LMO3: variants seen among roughly 807,000 people sequenced by gnomAD.
LMO3 encodes LIM domain only 3.
LMO3 carries 2 observed loss-of-function variants against 15.8 expected under a neutral mutation model. The ratio of observed to expected loss-of-function variants is 0.13; its 90% CI spans 0.05 to 0.40. LMO3 has a LOEUF of 0.40. Ranked by LOEUF, LMO3 falls within the 10% of genes least tolerant of loss-of-function variation. The pLI, the probability that LMO3 is intolerant of heterozygous loss-of-function variation, is 0.99. For missense variants in LMO3, 86 were observed against 182.2 expected, an observed-to-expected ratio of 0.47 and a Z score of 3.04; for synonymous variants, 62 against 63.8, an observed-to-expected ratio of 0.97 and a Z score of 0.13.
intron 2 of LMO3, among the ~76,000 whole-genome samples, chr12:16,569,954 T>G (rs938337515): frequency 6.6e-6 from 1 of 152,170 alleles, no homozygotes; most frequent in Non-Finnish European, 1.5e-5. Context: ...AAGTTTATAA[T>G]GAAGGAAAGG....
Position 16,576,841 on chromosome 12 carries a change from C to A in LMO3, c.207-16303G>T, listed in dbSNP as rs968921554. Among the ~76,000 whole-genome samples the A allele has an allele frequency of 4.6e-5, 7 of 152,126 alleles. No homozygotes were observed. The highest frequency in any genetic ancestry group is 1.7e-4 in the African/African-American group (7 of 41,436). ...AATTCAGTGTACAATGGACATAAGA[C>A]CTGTAGGTGGAAGTCAAAAATAAAT... On this transcript the variant is annotated intron_variant, in intron 2 of 3. Coordinates refer to ENST00000537304, the MANE Select transcript of LMO3 (RefSeq NM_018640.5). The surrounding 1 kb of genome is among the most constrained non-coding windows in gnomAD (Gnocchi z 4.1).
chr12:16,606,809 G>T (rs1944018118), upstream of LMO3: 1 of 152,166 alleles, frequency 6.6e-6, no homozygotes, highest in South Asian at 2.1e-4. Flanking sequence ...ACTGAGGAAG[G>T]ACCCTACCTC....
intron 1 of LMO3, chr12:16,605,045 G>A (rs1943942574): frequency 8.5e-6 from 13 of 1,523,776 alleles, no homozygotes; most frequent in African/African-American, 5.5e-5. Context: ...CACTTTGGGA[G>A]CGGGTCGGAG....
intron 2 of LMO3, among the ~76,000 whole-genome samples, chr12:16,572,567 G>A (rs1487849394): frequency 6.7e-6 from 1 of 149,838 alleles, no homozygotes; most frequent in Non-Finnish European, 1.5e-5. Flanking sequence ...AAAACTGGAT[G>A]TCAAACCCTT....
In LMO3 at chr12:16,548,457, T is replaced by C. The variant is rs990357207; in HGVS notation, c.*2765A>G. ...TCCAGCAGATATTTATTAAGCAAGA[T>C]GAAAGTGAAATTACAAACACAGGTC... On this transcript the variant is annotated 3_prime_UTR_variant, in exon 4 of 4. Coordinates refer to ENST00000537304, the MANE Select transcript of LMO3 (RefSeq NM_018640.5). This position sits in a 1 kb window ranked among gnomAD's most constrained non-coding sequence, Gnocchi z 4.2. The C allele has an allele frequency of 3.7e-4, 57 of 152,160 alleles. No homozygotes were observed. The highest frequency in any genetic ancestry group is 1.2e-3 in the African/African-American group (51 of 41,440). 9.4% of individuals were successfully genotyped at this position (152,160 alleles called of 1,614,324 possible).
In LMO3 at chr12:16,585,911, A is replaced by G. The variant is rs1943305014; in HGVS notation, c.206+14744T>C. On this transcript the variant is annotated intron_variant, in intron 2 of 3. Transcript: ENST00000537304. This position sits in a 1 kb window ranked among gnomAD's most constrained non-coding sequence, Gnocchi z 4.7. The stretch of plus-strand genomic sequence containing the variant: ...TCATTTAGTCATTTATAGTCTCAGA[A>G]ATCTTGCTTATCCTAAGATCTGGGC... 6.6e-6 allele frequency among the ~76,000 whole-genome samples: 1 copy of G among 152,194 alleles called. No individual in the cohort carries two copies. Among genetic ancestry groups the G allele is most frequent in the African/African-American group, 2.4e-5 (1 of 41,454 alleles).
chr12:16,571,028 T>C (rs887301331), intron 2 of LMO3, among the ~76,000 whole-genome samples: 1 of 152,042 alleles, frequency 6.6e-6, no homozygotes, highest in African/African-American at 2.4e-5. Flanking sequence ...AAACTTAAAG[T>C]ATAATAATAA....
Position 16,593,526 on chromosome 12 carries a change from A to G in LMO3, c.206+7129T>C, listed in dbSNP as rs1943556340. ...CGCAAAGGAATTCGGCGAAAAGAGA[A>G]TCATTACATAACTACAAAAATACTG... On this transcript the variant is annotated intron_variant, in intron 2 of 3. Coordinates refer to ENST00000537304, the MANE Select transcript of LMO3 (RefSeq NM_018640.5). This position sits in a 1 kb window ranked among gnomAD's most constrained non-coding sequence, Gnocchi z 4.2. Among the ~76,000 whole-genome samples the G allele has an allele frequency of 1.3e-5, 2 of 151,868 alleles. No individual in the cohort carries two copies. The highest frequency in any genetic ancestry group is 4.8e-5 in the African/African-American group (2 of 41,426).
chr12:16,556,553 C>T (rs543256165), intron 3 of LMO3, among the ~76,000 whole-genome samples: 4 of 152,212 alleles, frequency 2.6e-5, no homozygotes, highest in South Asian at 2.1e-4. Flanking sequence ...TTCACAAACG[C>T]GTAATTCCAC....
intron 3 of LMO3, among the ~76,000 whole-genome samples, chr12:16,554,913 C>T (rs547072765): frequency 2.0e-5 from 3 of 152,184 alleles, no homozygotes; most frequent in East Asian, 1.9e-4. Context: ...CCGCCCGCCT[C>T]GGCCTCCCAA....
At chr12:16,554,119 ATT>A (rs1180084482) in intron 3 of LMO3, among the ~76,000 whole-genome samples, 1 of 152,176 alleles carries the variant, frequency 6.6e-6, no homozygotes, top group Non-Finnish European at 1.5e-5. Context: ...ATTTCTAGAT[ATT>A]TTTGAGTGAT....
rs377640189 is a variant in LMO3, at chr12:16,562,851, A to G, written c.207-2313T>C. On this transcript the variant is annotated intron_variant, in intron 2 of 3. Transcript: ENST00000537304. ...TCTCTGATGGCTGCCCGTACGGCGC[A>G]CTGCTACCAGTGTACTTTCCACTAC... is the stretch of plus-strand genomic sequence containing the variant. Among the ~76,000 whole-genome samples the G allele has an allele frequency of 1.9e-4, 29 of 152,354 alleles. No homozygotes were observed. The South Asian group carries it at 6.0e-3, about 32-fold the overall frequency.
chr12:16,583,024 G>A (rs1484369938), intron 2 of LMO3, among the ~76,000 whole-genome samples: 1 of 139,542 alleles, frequency 7.2e-6, no homozygotes, highest in East Asian at 2.1e-4. Context: ...TCTAGCCTGG[G>A]TGACAGTGCG....
In LMO3 at chr12:16,550,260, G is replaced by C. The variant is rs1941939792; in HGVS notation, c.*962C>G. 6.6e-6 allele frequency: 1 copy of C among 152,364 alleles called. No homozygotes were observed. Among genetic ancestry groups the C allele is most frequent in the Non-Finnish European group, 1.5e-5 (1 of 67,918 alleles). 9.4% of individuals were successfully genotyped at this position (152,364 alleles called of 1,614,324 possible). A position where few individuals can be genotyped will look rare whatever the true frequency, so the allele number is the denominator to read the frequency against. On this transcript the variant is annotated 3_prime_UTR_variant, in exon 4 of 4. Transcript: ENST00000537304. ...AGTTATGAAACCCTCAGCTCTTGTG[G>C]AGAGATCTGGGCAGAATTTATACAA...
rs1387674999 is a variant in LMO3 at position 16,603,511 on chromosome 12, C to A, written c.-9+2555G>T. 6.6e-6 allele frequency among the ~76,000 whole-genome samples: 1 copy of A among 152,094 alleles called. No homozygotes were observed. The highest frequency in any genetic ancestry group is 2.4e-5 in the African/African-American group (1 of 41,416). On this transcript the variant is annotated intron_variant, in intron 1 of 3. Transcript: ENST00000537304. The surrounding 1 kb of genome is among the most constrained non-coding windows in gnomAD (Gnocchi z 4.9). ...GCTCATAGCACATCAGAACTCATAA[C>A]TAGTTTTAGATTGGCATGTAAATTG...
At chr12:16,562,051 T>C (rs943682186) in intron 2 of LMO3, among the ~76,000 whole-genome samples, 2 of 152,326 alleles carry the variant, frequency 1.3e-5, no homozygotes, top group African/African-American at 2.4e-5. Context: ...CCTTTTGTAA[T>C]CTGTATTTTG....
At chr12:16,573,380 T>C (rs1023647193) in intron 2 of LMO3, 5 of 152,180 alleles carry the variant, frequency 3.3e-5, no homozygotes, top group Non-Finnish European at 5.9e-5. Flanking sequence ...TGATATTCAG[T>C]GGTAACCAGC....
chr12:16,560,508 GGCAGC>G lies in LMO3; in HGVS notation c.232_236del (p.Ala78LeufsTer2). The G allele has an allele frequency of 6.2e-7, 1 of 1,613,636 alleles. No individual in the cohort carries two copies. The highest frequency in any genetic ancestry group is 8.5e-7 in the Non-Finnish European group (1 of 1,179,808). On this transcript the variant is annotated frameshift_variant, in exon 3 of 4. Coordinates refer to ENST00000537304, the MANE Select transcript of LMO3 (RefSeq NM_018640.5). LOFTEE classifies it high-confidence loss of function. The surrounding 1 kb of genome is among the most constrained non-coding windows in gnomAD (Gnocchi z 5.0). ...CAAAGGCAGGGATGAGCTTACTACAGGCAGCGCAGTTTCCCGTTACACCAAAGAGC... is the reference window on the plus strand; with the variant it reads ...CAAAGGCAGGGATGAGCTTACTACAGGCAGTTTCCCGTTACACCAAAGAGC...
chr12:16,552,884 C>G (rs917283320), intron 3 of LMO3, among the ~76,000 whole-genome samples: 1 of 152,040 alleles, frequency 6.6e-6, no homozygotes, highest in East Asian at 1.9e-4. Flanking sequence ...ATATCCTTAT[C>G]AAATGAAAAG....
Sources: gnomAD v4.1 joint callset for allele counts (sites outside exome capture counted in the v4.1 genomes callset) on GRCh38, gnomAD v4.1.1 for gene constraint, Gnocchi (gnomAD v3.1) non-coding constraint, MANE v1.5 for transcripts, NCBI Gene and HGNC (gene_info 2026-07-23, HGNC 2026-07-21) for gene names.